The following OTOG variants were observed in gnomAD, a reference collection of about 807,000 sequenced individuals.
OTOG encodes otogelin.
In OTOG, 296 loss-of-function variants were observed where a neutral mutation model predicts 313.8. The observed-to-expected ratio is 0.94, with a 90% CI of 0.86 to 1.04. The LOEUF (loss-of-function observed/expected upper bound fraction) is 1.04, where lower values mean the gene tolerates loss of function less well. Ranked by LOEUF, OTOG falls within the 50% of genes least tolerant of loss-of-function variation. The pLI, the probability that OTOG is intolerant of heterozygous loss-of-function variation, is 0.00. For missense variants in OTOG, 3,948 were observed against 3,840.1 expected (o/e 1.03, Z -0.74); for synonymous variants, 1,533 against 1,554.9 (o/e 0.99, Z 0.33).
chr11:17,596,178 C>T (rs1853100354), intron 29 of OTOG, 24 bp downstream of exon 29: 1 of 1,496,190 alleles, frequency 6.7e-7, no homozygotes, highest in Non-Finnish European at 9.1e-7. Flanking sequence ...AGCCTCGGCT[C>T]CTCCCGAGTG....
At chr11:17,629,388 C>G (rs1854062001) in intron 40 of OTOG, 72 bp downstream of exon 40, 2 of 1,444,392 alleles carry the variant, frequency 1.4e-6, no homozygotes, top group Middle Eastern at 2.4e-4. Context: ...ATAATTCCTC[C>G]TGGAGCAGGA....
rs751264608 is a variant in OTOG, at chr11:17,612,216, C to A, written c.6178C>A (p.Arg2060Ser). The A allele has an allele frequency of 2.6e-6, 4 of 1,549,420 alleles. No individual in the cohort carries two copies. In the South Asian group the frequency reaches 4.8e-5, roughly 18 times the overall value. Residue 2060 changes from arginine (R) to serine (S), a missense_variant, in exon 37 of 56, where the codon CGC becomes AGC. Transcript: ENST00000399397. ...RHICLEGQLI[R>S]VNQSQHCPQG... ...CATCTGCCTGGAGGGCCAGCTGATT[C>A]GCGTGAATCAGTCCCAGCACTGTCC...
At position 17,645,986 on chromosome 11, in the gene OTOG, C is replaced by T. The variant is rs1206127000; in HGVS notation, c.*42C>T. 5 of 1,525,236 alleles carry T rather than the reference C, an allele frequency of 3.3e-6. No individual in the cohort carries two copies. The highest frequency in any genetic ancestry group is 2.0e-5 in the Admixed American group (1 of 50,906). The allele number at this position is 1,525,236 out of a possible 1,614,324, so 94.5% of individuals were successfully genotyped here. ...CTAGCTGGACCACCTCTGCCAGCCC[C>T]ACTTTCTGTTTCCAGCTGGCCCAAT... On this transcript the variant is annotated 3_prime_UTR_variant, in exon 56 of 56. Transcript: ENST00000399397.
intron 31 of OTOG, 33 bp from the exon 32 acceptor site, chr11:17,602,177 G>A: frequency 6.5e-7 from 1 of 1,547,752 alleles, no homozygotes; most frequent in Non-Finnish European, 8.7e-7. Context: ...CAGGCCATGG[G>A]GCCAGGTTGC....
intron 47 of OTOG, among the ~76,000 whole-genome samples, chr11:17,637,833 A>C (rs566099605): frequency 6.6e-6 from 1 of 152,306 alleles, no homozygotes; most frequent in Admixed American, 6.5e-5. Flanking sequence ...TTTATTAGTA[A>C]ATCAAGTAAC....
At chr11:17,555,146 C>A (rs1852025050) in intron 6 of OTOG, among the ~76,000 whole-genome samples, 2 of 152,120 alleles carry the variant, frequency 1.3e-5, no homozygotes, top group South Asian at 4.2e-4. Flanking sequence ...CTCTACCCCA[C>A]CCCGTCCTTT....
At chr11:17,550,121 C>T (rs1354999911) in intron 3 of OTOG, among the ~76,000 whole-genome samples, 1 of 152,184 alleles carries the variant, frequency 6.6e-6, no homozygotes, top group Non-Finnish European at 1.5e-5. Flanking sequence ...TTATAGTCTA[C>T]AAACCACAAG....
In OTOG at chr11:17,645,484, A is replaced by C. The variant is rs1004124376; in HGVS notation, c.8462-80A>C. On this transcript the variant is annotated intron_variant, in intron 54 of 55. Transcript: ENST00000399397. ...AGAGAGACCCTCCAGCATGACACTA[A>C]CTGCCCTGGGCTGGCCCATCCTGCT... is the stretch of plus-strand genomic sequence containing the variant. 6.8e-6 allele frequency: 9 copies of C among 1,333,324 alleles called. No individual in the cohort carries two copies. The African/African-American group carries it at 1.3e-4, about 19-fold the overall frequency. The allele number at this position is 1,333,324 out of a possible 1,614,324, so 82.6% of individuals were successfully genotyped here. A position where few individuals can be genotyped will look rare whatever the true frequency, so the allele number is the denominator to read the frequency against.
intron 48 of OTOG, 102 bp downstream of exon 48, chr11:17,638,651 C>G: frequency 4.7e-6 from 7 of 1,484,888 alleles, no homozygotes; most frequent in Non-Finnish European, 6.4e-6. Flanking sequence ...CCTCTCAGAT[C>G]TGTCCCCTGC....
In OTOG at chr11:17,559,594, C is replaced by T. The variant is rs1329493121; in HGVS notation, c.1274C>T (p.Ser425Phe). Residue 425 changes from serine to phenylalanine, a missense_variant, in exon 12 of 56, where the codon TCC becomes TTC. Physicochemically the swap from Ser to Phe is radical, Grantham distance 155. Coordinates refer to ENST00000399397, the MANE Select transcript of OTOG (RefSeq NM_001292063.2). ...GAGTGCATCGCCTGCTGCCCTGCCT[C>T]CTGCCATCCCCGGGCATCCTGTGTG... ...YNECIACCPASCHPRASCVDS... is the reference protein window; with the variant it reads ...YNECIACCPAFCHPRASCVDS... 2 of 1,550,858 alleles carry T rather than the reference C, an allele frequency of 1.3e-6. No homozygotes were observed. Among genetic ancestry groups the T allele is most frequent in the South Asian group, 1.2e-5 (1 of 84,058 alleles).
In OTOG at chr11:17,553,394, A is replaced by C. The variant is rs1179049896; in HGVS notation, c.415A>C (p.Ile139Leu). ...CAATGCCGGCCCTGAGAGGGACAGC[A>C]TTTGCCGGGCGTGGGGGCAGCACCA... ...VYNAGPERDSICRAWGQHHVE... is the reference protein window; with the variant it reads ...VYNAGPERDSLCRAWGQHHVE... Residue 139 changes from isoleucine to leucine, a missense_variant, in exon 6 of 56, where the codon ATT becomes CTT. By Grantham distance (5) the Ile-to-Leu change is conservative (BLOSUM62 2). Coordinates refer to ENST00000399397, the MANE Select transcript of OTOG (RefSeq NM_001292063.2). 1 of 1,464,472 alleles carries C rather than the reference A, an allele frequency of 6.8e-7. No homozygotes were observed. Among genetic ancestry groups the C allele is most frequent in the Non-Finnish European group, 9.0e-7 (1 of 1,105,136 alleles). The allele number at this position is 1,464,472 out of a possible 1,614,324, so 90.7% of individuals were successfully genotyped here.
In OTOG at chr11:17,593,802, C is replaced by T. The variant is rs1343872850; in HGVS notation, c.3288+46C>T. 2.6e-6 allele frequency: 4 copies of T among 1,538,354 alleles called. No homozygotes were observed. The Admixed American group carries it at 7.9e-5, about 30-fold the overall frequency. On this transcript the variant is annotated intron_variant, in intron 27 of 55. Transcript: ENST00000399397. Reference sequence around the variant, plus strand: ...ATTCTGCTCCTGCCTGGGGCTAAGCCAAGCCCTGGGTGTCCTTGGGTGAGC... The same window carrying T: ...ATTCTGCTCCTGCCTGGGGCTAAGCTAAGCCCTGGGTGTCCTTGGGTGAGC...
At chr11:17,591,360 A>T in intron 24 of OTOG, 90 bp from the exon 25 acceptor site, 1 of 1,496,250 alleles carries the variant, frequency 6.7e-7, no homozygotes, top group South Asian at 1.3e-5. Context: ...GACACAGTGC[A>T]CATGCATTCG....
chr11:17,586,466 C>G lies in OTOG; in HGVS notation c.2760-8C>G. The G allele has an allele frequency of 2.2e-6, 3 of 1,384,618 alleles. No homozygotes were observed. The highest frequency in any genetic ancestry group is 2.8e-6 in the Non-Finnish European group (3 of 1,062,694). 85.8% of individuals were successfully genotyped at this position (1,384,618 alleles called of 1,614,324 possible). A position where few individuals can be genotyped will look rare whatever the true frequency, so the allele number is the denominator to read the frequency against. ...TCTCCTGACCGCCTGCTTGCTGTGT[C>G]TCTACAGTCTGCTCAGACACGGGGA... On this transcript the variant is annotated splice_region_variant and splice_polypyrimidine_tract_variant and intron_variant, in intron 23 of 55. Coordinates refer to ENST00000399397, the MANE Select transcript of OTOG (RefSeq NM_001292063.2).
intron 54 of OTOG, among the ~76,000 whole-genome samples, chr11:17,645,111 C>A (rs533865928): frequency 6.6e-6 from 1 of 152,194 alleles, no homozygotes; most frequent in South Asian, 2.1e-4. Flanking sequence ...TAGAATGAAG[C>A]GTCCCACTAG....
In OTOG at chr11:17,634,197, C is replaced by T; in HGVS notation, c.7396C>T (p.Pro2466Ser). The T allele has an allele frequency of 1.3e-6, 2 of 1,550,450 alleles. No individual in the cohort carries two copies. Among genetic ancestry groups the T allele is most frequent in the East Asian group, 2.4e-5 (1 of 40,912 alleles). The part of the protein sequence containing the change: ...IVPVDLGCPS[P>S]RPESCLRFGE... ...CCCGGTGGATCTGGGCTGCCCCAGT[C>T]CCCGCCCTGAGAGCTGCCTGCGATT... Residue 2466 changes from proline to serine, a missense_variant, in exon 44 of 56, where the codon CCC (proline) becomes TCC (serine). Transcript: ENST00000399397.
Position 17,559,570 on chromosome 11 carries a change from A to G in OTOG, c.1250A>G (p.Glu417Gly). 6.4e-7 allele frequency: 1 copy of G among 1,550,668 alleles called. No individual in the cohort carries two copies. The highest frequency in any genetic ancestry group is 2.4e-5 in the East Asian group (1 of 40,912). Residue 417 changes from glutamate to glycine, a missense_variant, in exon 12 of 56, where the codon GAG becomes GGG. By Grantham distance (98) the Glu-to-Gly change is moderately conservative. Coordinates refer to ENST00000399397, the MANE Select transcript of OTOG (RefSeq NM_001292063.2). Reference sequence around the variant, plus strand: ...AAGGAGAAGGCCTTTACCTACAATGAGTGCATCGCCTGCTGCCCTGCCTCC... The same window carrying G: ...AAGGAGAAGGCCTTTACCTACAATGGGTGCATCGCCTGCTGCCCTGCCTCC... Reference protein sequence around the residue: ...HCKEKAFTYNECIACCPASCH... With the variant: ...HCKEKAFTYNGCIACCPASCH...
chr11:17,572,192 C>T lies in OTOG; in HGVS notation c.2068C>T (p.His690Tyr), dbSNP rs535850558. 1.1e-5 allele frequency: 17 copies of T among 1,550,356 alleles called. No homozygotes were observed. The highest frequency in any genetic ancestry group is 1.7e-4 in the Middle Eastern group (1 of 5,990). Residue 690 changes from histidine to tyrosine, a missense_variant, in exon 18 of 56, where the codon CAC (histidine) becomes TAC (tyrosine). Physicochemically the swap from His to Tyr is moderately conservative, Grantham distance 83 (BLOSUM62 2). Coordinates refer to ENST00000399397, the MANE Select transcript of OTOG (RefSeq NM_001292063.2). ...CTCCCCTCTGGACCCCTGCGATGTG[C>T]ACCTGCAAGCCGGTGAGTTGGTGGG... Reference protein sequence around the residue: ...SGSPLDPCDVHLQAASYSVQA... With the variant: ...SGSPLDPCDVYLQAASYSVQA...
At chr11:17,611,509 G>C in intron 36 of OTOG, 86 bp downstream of exon 36, 1 of 1,305,162 alleles carries the variant, frequency 7.7e-7, no homozygotes. Flanking sequence ...AGTTTTAGTC[G>C]CTATCCTCAT....
Sources: gnomAD v4.1 joint callset for allele counts (sites outside exome capture counted in the v4.1 genomes callset) on GRCh38, gnomAD v4.1.1 for gene constraint, MANE v1.5 for transcripts, NCBI Gene and HGNC (gene_info 2026-07-23, HGNC 2026-07-21) for gene names.